Variants in CADM1 observed in about 807,000 individuals in gnomAD.
CADM1 encodes the protein TSLC-1.
Under a neutral mutation model 53.1 loss-of-function variants are expected in CADM1, and 15 were observed. The ratio of observed to expected loss-of-function variants is 0.28; its 90% confidence interval spans 0.19 to 0.44. CADM1 has a LOEUF of 0.44. CADM1 is among the 20% of genes least tolerant of loss of function. The probability of loss-of-function intolerance (pLI) is 1.00; values close to 1 mark genes in which losing one functional copy is unlikely to be tolerated. For synonymous variants in CADM1, 281 were observed against 243.0 expected (o/e 1.16, Z -1.45); for missense variants, 434 against 611.3 (o/e 0.71, Z 3.06).
intron 1 of CADM1, among the ~76,000 whole-genome samples, chr11:115,314,127 G>A (rs1311925058): frequency 0.013 from 2 of 154 alleles, no homozygotes; most frequent in African/African-American, 0.048. Context: ...TGGGGAACTA[G>A]TACCCCAGGA....
Position 115,411,659 on chromosome 11 carries a change from A to T in CADM1, c.124+92612T>A, listed in dbSNP as rs1292961763. Reference sequence around the variant, plus strand: ...CCAAAGAAAGTGGAAATTCTATTTTATTTTTTTTTATTATTTATTTTTTTG... The same window carrying T: ...CCAAAGAAAGTGGAAATTCTATTTTTTTTTTTTTTATTATTTATTTTTTTG... On this transcript the variant is annotated intron_variant, in intron 1 of 11. Transcript: ENST00000331581. Among the ~76,000 whole-genome samples, 11 of 151,424 alleles carry T rather than the reference A, an allele frequency of 7.3e-5. No individual in the cohort carries two copies. In the East Asian group the frequency reaches 7.7e-4, roughly 11 times the overall value.
At chr11:115,260,571 G>C (rs1478135744) in intron 1 of CADM1, among the ~76,000 whole-genome samples, 1 of 152,236 alleles carries the variant, frequency 6.6e-6, no homozygotes, top group Non-Finnish European at 1.5e-5. Flanking sequence ...GGCTACATGA[G>C]AATGACCGAC....
chr11:115,385,663 A>C (rs534672828), intron 1 of CADM1, among the ~76,000 whole-genome samples: 18 of 151,252 alleles, frequency 1.2e-4, no homozygotes, highest in Non-Finnish European at 1.8e-4. Flanking sequence ...CGCCACAGGT[A>C]CATATTAAAC....
At chr11:115,266,630 G>A (rs192871059) in intron 1 of CADM1, among the ~76,000 whole-genome samples, 2 of 152,310 alleles carry the variant, frequency 1.3e-5, no homozygotes, top group Admixed American at 6.5e-5. Flanking sequence ...AGCCACATGA[G>A]TATAAGCATT....
At chr11:115,212,581 T>A (rs1226288794) in intron 7 of CADM1, among the ~76,000 whole-genome samples, 1 of 152,184 alleles carries the variant, frequency 6.6e-6, no homozygotes, top group Non-Finnish European at 1.5e-5. Context: ...GGTTTTCAGA[T>A]AATGCACTCT....
At chr11:115,276,973 T>C (rs1275760408) in intron 1 of CADM1, among the ~76,000 whole-genome samples, 1 of 152,168 alleles carries the variant, frequency 6.6e-6, no homozygotes, top group Non-Finnish European at 1.5e-5. Context: ...CGAACACTAA[T>C]AAAGACCACA....
chr11:115,282,022 G>A (rs1466574735), intron 1 of CADM1, among the ~76,000 whole-genome samples: 1 of 152,088 alleles, frequency 6.6e-6, no homozygotes, highest in Non-Finnish European at 1.5e-5. Context: ...CCATCTTAGA[G>A]TTTTATTGAA....
At position 115,228,742 on chromosome 11, in the gene CADM1, G is replaced by GA. The variant is rs547065147; in HGVS notation, c.721+370dup. 1.2e-4 allele frequency among the ~76,000 whole-genome samples: 18 copies of GA among 151,990 alleles called. No homozygotes were observed. The East Asian group carries it at 2.9e-3, about 25-fold the overall frequency. On this transcript the variant is annotated intron_variant, in intron 5 of 11. Transcript: ENST00000331581. ...TAAAACAAAATGCCGACGTAAATGGGAAAAAAATCCCTTCTATAAAAACTT... is the reference window on the plus strand; with the variant it reads ...TAAAACAAAATGCCGACGTAAATGGGAAAAAAAATCCCTTCTATAAAAACTT...
intron 1 of CADM1, among the ~76,000 whole-genome samples, chr11:115,423,175 G>T (rs1252580570): frequency 6.6e-6 from 1 of 152,052 alleles, no homozygotes; most frequent in Non-Finnish European, 1.5e-5. Flanking sequence ...GAGGACAATT[G>T]TAATGTTAGT....
intron 1 of CADM1, among the ~76,000 whole-genome samples, chr11:115,332,374 T>C (rs1477536270): frequency 6.6e-6 from 1 of 152,182 alleles, no homozygotes; most frequent in Non-Finnish European, 1.5e-5. Context: ...GGCATGTGTG[T>C]GCACAGCCAA....
Position 115,170,499 on chromosome 11 carries a change from G to C in CADM1, c.*5975C>G, listed in dbSNP as rs1938753521. ...AACAAAGTTTCCTGTGTACTGAAGAGGCTGGAAGCTGAGGTTTGGAACACC... is the reference window on the plus strand; with the variant it reads ...AACAAAGTTTCCTGTGTACTGAAGACGCTGGAAGCTGAGGTTTGGAACACC... On this transcript the variant is annotated 3_prime_UTR_variant, in exon 12 of 12. Coordinates refer to ENST00000331581, the MANE Select transcript of CADM1 (RefSeq NM_001301043.2). 6.6e-6 allele frequency: 1 copy of C among 151,834 alleles called. No individual in the cohort carries two copies. Among genetic ancestry groups the C allele is most frequent in the Non-Finnish European group, 1.5e-5 (1 of 68,002 alleles). 9.4% of individuals were successfully genotyped at this position (151,834 alleles called of 1,614,324 possible).
intron 1 of CADM1, among the ~76,000 whole-genome samples, chr11:115,459,043 T>C (rs1948739941): frequency 6.6e-6 from 1 of 152,172 alleles, no homozygotes; most frequent in African/African-American, 2.4e-5. Flanking sequence ...CATGGATTCA[T>C]GATGCATAAG....
intron 1 of CADM1, among the ~76,000 whole-genome samples, chr11:115,467,392 G>C (rs1198490793): frequency 6.6e-6 from 1 of 152,176 alleles, no homozygotes; most frequent in Non-Finnish European, 1.5e-5. Context: ...GTGCAAGGCT[G>C]CTCTTTCCTC....
At position 115,214,687 on chromosome 11, in the gene CADM1, T is replaced by C; in HGVS notation, c.915A>G (p.Lys305=). ...GPNLFINNLN[K]TDNGTYRCEA... ...CACAGCGGTATGTACCATTATCTGT[T>C]TTGTTTAGGTTATTGATGAACAGGT... The change falls in exon 7 of 12, where the codon AAA becomes AAG. Residue 305 remains lysine, a synonymous_variant. Coordinates refer to ENST00000331581, the MANE Select transcript of CADM1 (RefSeq NM_001301043.2). The C allele has an allele frequency of 6.2e-7, 1 of 1,614,034 alleles. No homozygotes were observed. The highest frequency in any genetic ancestry group is 8.5e-7 in the Non-Finnish European group (1 of 1,179,942).
At chr11:115,378,133 C>T (rs1166953987) in intron 1 of CADM1, among the ~76,000 whole-genome samples, 1 of 152,076 alleles carries the variant, frequency 6.6e-6, no homozygotes, top group East Asian at 1.9e-4. Flanking sequence ...AGTTTGTTCA[C>T]CAAGTTTTCA....
chr11:115,364,361 T>G (rs1298248100), intron 1 of CADM1, among the ~76,000 whole-genome samples: 1 of 152,202 alleles, frequency 6.6e-6, no homozygotes, highest in Non-Finnish European at 1.5e-5. Flanking sequence ...TAACATTCTC[T>G]CCTATCCATT....
chr11:115,191,240 CTGAT>C (rs1939841836), intron 9 of CADM1, among the ~76,000 whole-genome samples: 1 of 152,152 alleles, frequency 6.6e-6, no homozygotes, highest in South Asian at 2.1e-4. Flanking sequence ...TCAATAAAGC[CTGAT>C]TGTTAGCTGT....
intron 1 of CADM1, among the ~76,000 whole-genome samples, chr11:115,301,492 C>A (rs1377254440): frequency 6.6e-6 from 1 of 152,112 alleles, no homozygotes; most frequent in Non-Finnish European, 1.5e-5. Flanking sequence ...CTTTCAGAGT[C>A]TTTTGAGAGT....
chr11:115,219,588 A>C (rs1254249982), intron 5 of CADM1, among the ~76,000 whole-genome samples: 1 of 152,168 alleles, frequency 6.6e-6, no homozygotes, highest in African/African-American at 2.4e-5. Context: ...ACTGTTTAAG[A>C]GCAAAATGGT....
Sources: allele counts gnomAD v4.1 joint callset (sites outside exome capture counted in the v4.1 genomes callset), GRCh38; gene constraint gnomAD v4.1.1; transcripts MANE v1.5; gene names NCBI Gene and HGNC (gene_info 2026-07-23, HGNC 2026-07-21).